Variants in GGA3 observed in about 807,000 individuals in gnomAD.
GGA3 encodes the protein golgi associated, gamma adaptin ear containing, ARF binding protein 3, also known as ADP-ribosylation factor-binding protein GGA3.
A neutral mutation model predicts 77.5 loss-of-function variants in GGA3; 57 were observed. That is an observed-to-expected ratio of 0.74 (90% CI 0.59 to 0.92). GGA3 has a LOEUF of 0.92. Ranked by LOEUF, GGA3 falls within the 40% of genes least tolerant of loss-of-function variation. GGA3 has a pLI of 0.00. For missense variants in GGA3, 970 were observed against 914.9 expected (o/e 1.06, Z -0.78); for synonymous variants, 416 against 383.7 (o/e 1.08, Z -0.98).
intron 5 of GGA3, 117 bp downstream of exon 5, chr17:75,243,330 G>A (rs1326152239): frequency 2.2e-6 from 3 of 1,354,034 alleles, no homozygotes; most frequent in Non-Finnish European, 3.1e-6. Context: ...AGCCTTGCCT[G>A]GGGACAAATG....
At position 75,238,201 on chromosome 17, in the gene GGA3, G is replaced by A; in HGVS notation, c.*78C>T. 6.4e-7 allele frequency: 1 copy of A among 1,563,882 alleles called. No individual in the cohort carries two copies. The highest frequency in any genetic ancestry group is 1.2e-5 in the South Asian group (1 of 83,632). ...ACAAGCACTGTTGTCAGGGCATGGAGAGTGACGGGACCAGAGCCCTCCTCG... is the reference window on the plus strand; with the variant it reads ...ACAAGCACTGTTGTCAGGGCATGGAAAGTGACGGGACCAGAGCCCTCCTCG... On this transcript the variant is annotated 3_prime_UTR_variant, in exon 17 of 17. Transcript: ENST00000537686.
At chr17:75,241,745 T>G in intron 8 of GGA3, 49 bp from the exon 9 acceptor site, 4 of 1,386,856 alleles carry the variant, frequency 2.9e-6, no homozygotes, top group Non-Finnish European at 3.1e-6. Flanking sequence ...CCCTTAGAGA[T>G]CATCTGATTC....
Position 75,237,995 on chromosome 17 carries a change from G to T in GGA3, c.*284C>A. On this transcript the variant is annotated 3_prime_UTR_variant, in exon 17 of 17. Coordinates refer to ENST00000537686, the MANE Select transcript of GGA3 (RefSeq NM_138619.4). ...GCAAACACCTACGCCAAGCCTGGGG[G>T]TCCATGTTCCCGGGACAGCAGTGAA... 1 of 1,225,086 alleles carries T rather than the reference G, an allele frequency of 8.2e-7. No individual in the cohort carries two copies. The highest frequency in any genetic ancestry group is 1.0e-6 in the Non-Finnish European group (1 of 981,330). 75.9% of individuals were successfully genotyped at this position (1,225,086 alleles called of 1,614,324 possible).
chr17:75,243,200 C>T, intron 5 of GGA3, 34 bp from the exon 6 acceptor site: 2 of 1,482,710 alleles, frequency 1.3e-6, no homozygotes, highest in South Asian at 2.3e-5. Flanking sequence ...TGCACTCAGG[C>T]TGTGGTTGCC....
chr17:75,242,390 C>A lies in GGA3; in HGVS notation c.693G>T (p.Met231Ile), dbSNP rs1247317366. The A allele has an allele frequency of 6.2e-7, 1 of 1,614,180 alleles. No homozygotes were observed. Among genetic ancestry groups the A allele is most frequent in the Non-Finnish European group, 8.5e-7 (1 of 1,179,986 alleles). Residue 231 changes from methionine to isoleucine, a missense_variant, in exon 8 of 17, where the codon ATG becomes ATT. Physicochemically the swap from Met to Ile is conservative, Grantham distance 10. Transcript: ENST00000537686. ...VNNNVRLLSEMLLHYSQEDSS... is the reference protein window; with the variant it reads ...VNNNVRLLSEILLHYSQEDSS... ...AGTCCTCCTGGCTGTAATGAAGCAG[C>A]ATCTCACTGAGCAGTCTCACGTTGT... is the stretch of plus-strand genomic sequence containing the variant.
At position 75,239,781 on chromosome 17, in the gene GGA3, C is replaced by A. The variant is rs2076466741; in HGVS notation, c.1583+8G>T. On this transcript the variant is annotated splice_region_variant and intron_variant, in intron 13 of 16. Transcript: ENST00000537686. ...CTCAGCAACCCCACATCTCCTCCCA[C>A]TCATTACACTTTGGCCTCTTCTAGA... 1.9e-6 allele frequency: 3 copies of A among 1,613,336 alleles called. No homozygotes were observed. Among genetic ancestry groups the A allele is most frequent in the Non-Finnish European group, 2.5e-6 (3 of 1,179,824 alleles).
At chr17:75,242,204 G>A (rs996941682) in intron 8 of GGA3, 132 bp downstream of exon 8, 16 of 937,794 alleles carry the variant, frequency 1.7e-5, no homozygotes, top group East Asian at 2.4e-5. Flanking sequence ...CTGTGCAGAT[G>A]AGTAAGGTCA....
Position 75,243,110 on chromosome 17 carries a change from G to A in GGA3, c.481C>T (p.Pro161Ser). 3.1e-6 allele frequency: 5 copies of A among 1,613,602 alleles called. No homozygotes were observed. The African/African-American group carries it at 4.0e-5, about 13-fold the overall frequency. ...PVDRTLIPSP[P>S]PRPKNPVFDD... is the part of the protein sequence containing the mutation. ...AAAACAGGGTTTTTGGGACGAGGTG[G>A]TGGAGAGGGGATCAGCGTCCTATCC... Residue 161 changes from proline (P) to serine (S), a missense_variant, in exon 6 of 17, where the codon CCA (proline) becomes TCA (serine). By Grantham distance (74) the Pro-to-Ser change is moderately conservative. Coordinates refer to ENST00000537686, the MANE Select transcript of GGA3 (RefSeq NM_138619.4).
chr17:75,262,332 C>A (rs771152063), upstream of GGA3: 1 of 789,702 alleles, frequency 1.3e-6, no homozygotes, highest in Admixed American at 2.3e-5. Flanking sequence ...GGGGAATGTC[C>A]TCCTACTTGG....
chr17:75,239,121 C>G (rs2076429437), intron 14 of GGA3, 38 bp from the exon 15 acceptor site: 1 of 1,586,922 alleles, frequency 6.3e-7, no homozygotes, highest in East Asian at 2.2e-5. Context: ...GGAGCAGCAC[C>G]AGAGACACCC....
In GGA3 at chr17:75,238,302, C is replaced by T. The variant is rs2076391110; in HGVS notation, c.2149G>A (p.Val717Met). ...EVGEVDQFPP[V>M]EQWGNL ...GGTCATAGGTTCCCCCACTGTTCCA[C>T]AGGAGGGAACTGGTCCACCTCGCCC... is the stretch of plus-strand genomic sequence containing the variant. The change falls in exon 17 of 17, where the codon GTG (valine) becomes ATG (methionine). Residue 717 changes from valine (V) to methionine (M), a missense_variant. Coordinates refer to ENST00000537686, the MANE Select transcript of GGA3 (RefSeq NM_138619.4). 6.2e-7 allele frequency: 1 copy of T among 1,613,362 alleles called. No individual in the cohort carries two copies. Among genetic ancestry groups the T allele is most frequent in the Non-Finnish European group, 8.5e-7 (1 of 1,179,666 alleles).
chr17:75,243,567 G>C lies in GGA3; in HGVS notation c.304C>G (p.Leu102Val), dbSNP rs769438918. Residue 102 changes from leucine to valine, a missense_variant, in exon 5 of 17, where the codon CTG becomes GTG. By Grantham distance (32) the Leu-to-Val change is conservative (BLOSUM62 1). Transcript: ENST00000537686. ...ELIKVVSPKY[L>V]GDRVSEKVKT... is the part of the protein sequence containing the mutation. ...ACTTTCTCAGACACCCTGTCCCCCAGGTACTACATGGCAAAAGAAAATGAG... is the reference window on the plus strand; with the variant it reads ...ACTTTCTCAGACACCCTGTCCCCCACGTACTACATGGCAAAAGAAAATGAG... The C allele has an allele frequency of 8.1e-6, 13 of 1,613,744 alleles. No individual in the cohort carries two copies. Among genetic ancestry groups the C allele is most frequent in the Non-Finnish European group, 1.1e-5 (13 of 1,179,926 alleles).
intron 1 of GGA3, chr17:75,249,107 G>A (rs988144301): frequency 1.2e-4 from 60 of 519,804 alleles, no homozygotes; most frequent in Admixed American, 1.9e-4. Context: ...GTGCAGTGGC[G>A]CGATCTAGGC....
At position 75,237,961 on chromosome 17, in the gene GGA3, T is replaced by G; in HGVS notation, c.*318A>C. On this transcript the variant is annotated 3_prime_UTR_variant, in exon 17 of 17. Transcript: ENST00000537686. ...CCCCAGTGGCTTCAGTGAATGCCAG[T>G]AGAAGGAAGCAAACACCTACGCCAA... is the stretch of plus-strand genomic sequence containing the variant. 1 of 1,086,444 alleles carries G rather than the reference T, an allele frequency of 9.2e-7. No individual in the cohort carries two copies. The highest frequency in any genetic ancestry group is 1.1e-6 in the Non-Finnish European group (1 of 897,284). The allele number at this position is 1,086,444 out of a possible 1,614,324, so 67.3% of individuals were successfully genotyped here.
Position 75,240,891 on chromosome 17 carries a change from AGAG to A in GGA3, c.1110_1112del (p.Ser372del). 1 of 1,613,602 alleles carries A rather than the reference AGAG, an allele frequency of 6.2e-7. No individual in the cohort carries two copies. Among genetic ancestry groups the A allele is most frequent in the East Asian group, 2.2e-5 (1 of 44,830 alleles). On this transcript the variant is annotated inframe_deletion, in exon 11 of 17. Coordinates refer to ENST00000537686, the MANE Select transcript of GGA3 (RefSeq NM_138619.4). ...GCCCCAGGGTGGCCTCGGCCTGGCTAGAGGAGCGGCTCCGTGGAGGTCCTGAGG... is the reference window on the plus strand; with the variant it reads ...GCCCCAGGGTGGCCTCGGCCTGGCTAGAGCGGCTCCGTGGAGGTCCTGAGG...
chr17:75,239,423 C>A lies in GGA3; in HGVS notation c.1732G>T (p.Glu578Ter). The A allele has an allele frequency of 6.3e-7, 1 of 1,575,532 alleles. No homozygotes were observed. The highest frequency in any genetic ancestry group is 8.6e-7 in the Non-Finnish European group (1 of 1,168,166). ...QSQGSPPKGP[E>*]LSLASIHVPL... Reference sequence around the variant, plus strand: ...ACGTGGATGCTGGCCAGGGAGAGCTCAGGCCCCTTCGGGGGGCTGCCCTGG... The same window carrying A: ...ACGTGGATGCTGGCCAGGGAGAGCTAAGGCCCCTTCGGGGGGCTGCCCTGG... Residue 578 changes from glutamate to a stop codon, truncating the protein, a stop_gained, in exon 14 of 17, where the codon GAG (glutamate) becomes TAG (stop). Transcript: ENST00000537686. LOFTEE classifies it high-confidence loss of function.
At chr17:75,253,246 C>T (rs1388874697) in intron 1 of GGA3, among the ~76,000 whole-genome samples, 1 of 152,208 alleles carries the variant, frequency 6.6e-6, no homozygotes, top group East Asian at 1.9e-4. Flanking sequence ...CTCACTATCC[C>T]TCAACCACTT....
intron 1 of GGA3, among the ~76,000 whole-genome samples, chr17:75,255,130 G>A (rs528813676): frequency 1.3e-5 from 2 of 152,104 alleles, no homozygotes; most frequent in African/African-American, 4.8e-5. Context: ...GAGTAAGTCC[G>A]TCCTCTTCTT....
chr17:75,247,201 G>A (rs1040026798), intron 1 of GGA3, among the ~76,000 whole-genome samples: 1 of 152,016 alleles, frequency 6.6e-6, no homozygotes, highest in Non-Finnish European at 1.5e-5. Context: ...GGTCAAGAAG[G>A]GTTTTTGGGG....
Sources: allele counts gnomAD v4.1 joint callset (sites outside exome capture counted in the v4.1 genomes callset), GRCh38; gene constraint gnomAD v4.1.1; transcripts MANE v1.5; gene names NCBI Gene and HGNC (gene_info 2026-07-23, HGNC 2026-07-21).